CNTNAP2: variants seen among roughly 807,000 people sequenced by gnomAD.
CNTNAP2 encodes the protein contactin associated protein 2, also known as contactin-associated protein-like 2.
A neutral mutation model predicts 155.2 loss-of-function variants in CNTNAP2; 98 were observed. The ratio of observed to expected loss-of-function variants is 0.63; its 90% confidence interval spans 0.54 to 0.75. The LOEUF is 0.75. Ranked by LOEUF, CNTNAP2 falls within the 30% of genes least tolerant of loss-of-function variation. The pLI, the probability that CNTNAP2 is intolerant of heterozygous loss-of-function variation, is 0.00. For missense variants in CNTNAP2, 1,727 were observed against 1,688.1 expected (o/e 1.02, Z -0.40); for synonymous variants, 651 against 631.2 (o/e 1.03, Z -0.47).
chr7:147,244,529 T>C (rs1394879879), intron 8 of CNTNAP2, among the ~76,000 whole-genome samples: 1 of 152,208 alleles, frequency 6.6e-6, no homozygotes, highest in East Asian at 1.9e-4. Context: ...TGGACAAATA[T>C]TTCTTCCATG....
intron 1 of CNTNAP2, among the ~76,000 whole-genome samples, chr7:146,352,231 T>C (rs1340977049): frequency 7.2e-5 from 11 of 152,232 alleles, no homozygotes; most frequent in African/African-American, 2.4e-4. Flanking sequence ...CATTTTATTA[T>C]ATTTAAAATT....
intron 8 of CNTNAP2, among the ~76,000 whole-genome samples, chr7:147,266,854 C>A (rs1055545105): frequency 3.9e-5 from 6 of 152,006 alleles, no homozygotes; most frequent in African/African-American, 7.3e-5. Flanking sequence ...GTTTTGTGTT[C>A]CCATTTTAAG....
intron 1 of CNTNAP2, among the ~76,000 whole-genome samples, chr7:146,357,925 C>A (rs1188599106): frequency 1.3e-5 from 2 of 151,884 alleles, no homozygotes; most frequent in Non-Finnish European, 2.9e-5. Context: ...CGCCCCCCGC[C>A]ACACACAGGA....
intron 8 of CNTNAP2, among the ~76,000 whole-genome samples, chr7:147,277,366 C>A (rs1804920291): frequency 6.6e-6 from 1 of 151,584 alleles, no homozygotes; most frequent in East Asian, 1.9e-4. Flanking sequence ...GGAGTAGAAG[C>A]CAAATGAGAA....
At chr7:146,342,516 C>A (rs1794747066) in intron 1 of CNTNAP2, among the ~76,000 whole-genome samples, 1 of 152,020 alleles carries the variant, frequency 6.6e-6, no homozygotes, top group South Asian at 2.1e-4. Flanking sequence ...ATATATTTGC[C>A]TTATAAATTT....
At chr7:147,704,084 G>A (rs193079030) in intron 13 of CNTNAP2, among the ~76,000 whole-genome samples, 10 of 152,030 alleles carry the variant, frequency 6.6e-5, no homozygotes, top group Middle Eastern at 3.4e-3. Flanking sequence ...CAGTAATTGC[G>A]GTTTTTGCAA....
Position 148,118,277 on chromosome 7 carries a change from T to C in CNTNAP2, c.2543T>C (p.Leu848Pro), listed in dbSNP as rs902996317. 3.1e-6 allele frequency: 5 copies of C among 1,614,140 alleles called. No individual in the cohort carries two copies. Among genetic ancestry groups the C allele is most frequent in the Admixed American group, 1.7e-5 (1 of 60,018 alleles). ...ATGGGAAAGGAAGATTTCATCAAGCTGGAGCTGAAGTGTGAGTATAAGTTG... is the reference window on the plus strand; with the variant it reads ...ATGGGAAAGGAAGATTTCATCAAGCCGGAGCTGAAGTGTGAGTATAAGTTG... Reference protein sequence around the residue: ...ENMGKEDFIKLELKSATEVSF... With the variant: ...ENMGKEDFIKPELKSATEVSF... The change falls in exon 16 of 24, where the codon CTG becomes CCG. Residue 848 changes from leucine to proline, a missense_variant. Coordinates refer to ENST00000361727, the MANE Select transcript of CNTNAP2 (RefSeq NM_014141.6).
At chr7:146,933,861 T>G (rs555846495) in intron 3 of CNTNAP2, among the ~76,000 whole-genome samples, 7 of 151,704 alleles carry the variant, frequency 4.6e-5, no homozygotes, top group African/African-American at 1.7e-4. Context: ...CACTGGCCAT[T>G]AGAGAAATGC....
intron 3 of CNTNAP2, among the ~76,000 whole-genome samples, chr7:146,943,114 T>C (rs900731236): frequency 4.6e-5 from 7 of 152,206 alleles, no homozygotes; most frequent in African/African-American, 1.7e-4. Flanking sequence ...TAAAAAACAT[T>C]ATAGCCTACT....
At chr7:146,331,196 C>T (rs977216528) in intron 1 of CNTNAP2, among the ~76,000 whole-genome samples, 3 of 149,928 alleles carry the variant, frequency 2.0e-5, no homozygotes, top group South Asian at 2.1e-4. Flanking sequence ...CCCAGCTACT[C>T]GGGAGGCTGA....
At chr7:147,808,156 C>T (rs1798123472) in intron 13 of CNTNAP2, among the ~76,000 whole-genome samples, 2 of 152,058 alleles carry the variant, frequency 1.3e-5, no homozygotes, top group Non-Finnish European at 1.5e-5. Context: ...ATTGTCCTGG[C>T]CTCTCCATAT....
At chr7:146,528,300 G>C (rs1395056581) in intron 1 of CNTNAP2, among the ~76,000 whole-genome samples, 1 of 152,124 alleles carries the variant, frequency 6.6e-6, no homozygotes, top group African/African-American at 2.4e-5. Flanking sequence ...GAAGCCTGTT[G>C]GGTTCAATTC....
intron 3 of CNTNAP2, among the ~76,000 whole-genome samples, chr7:147,037,764 G>A (rs78542008): frequency 0.057 from 8,605 of 152,090 alleles, 331 homozygotes; most frequent in Middle Eastern, 0.13. Context: ...GACTATACTA[G>A]AACCGTTTAA....
intron 9 of CNTNAP2, among the ~76,000 whole-genome samples, chr7:147,368,553 C>T (rs557735791): frequency 6.6e-6 from 1 of 152,270 alleles, no homozygotes; most frequent in East Asian, 1.9e-4. Flanking sequence ...TGCTTGGTTC[C>T]TGTCCTTTTC....
chr7:146,213,596 G>A (rs924108850), intron 1 of CNTNAP2, among the ~76,000 whole-genome samples: 1 of 152,118 alleles, frequency 6.6e-6, no homozygotes, highest in East Asian at 1.9e-4. Flanking sequence ...TGACTAGAAT[G>A]ACTACTCTGG....
intron 1 of CNTNAP2, among the ~76,000 whole-genome samples, chr7:146,446,159 A>G (rs757187420): frequency 1.3e-5 from 2 of 152,220 alleles, no homozygotes; most frequent in African/African-American, 2.4e-5. Context: ...TCAAGAGGCT[A>G]CATAAATGTA....
At position 147,840,560 on chromosome 7, in the gene CNTNAP2, G is replaced by A. The variant is rs189902666; in HGVS notation, c.2099-63005G>A. Among the ~76,000 whole-genome samples the A allele has an allele frequency of 5.3e-5, 8 of 152,258 alleles. No homozygotes were observed. In the East Asian group the frequency reaches 7.8e-4, roughly 15 times the overall value. ...GGTTTCATGTCTTATGCTGGGGAGT[G>A]TGGAATTTCATCCTGAAAGCACTTA... On this transcript the variant is annotated intron_variant, in intron 13 of 23. Transcript: ENST00000361727.
At chr7:146,763,139 C>T (rs1802133451) in intron 1 of CNTNAP2, among the ~76,000 whole-genome samples, 1 of 152,170 alleles carries the variant, frequency 6.6e-6, no homozygotes, top group South Asian at 2.1e-4. Flanking sequence ...GTCTCTCTGG[C>T]CACTTTCCGT....
intron 12 of CNTNAP2, among the ~76,000 whole-genome samples, chr7:147,595,697 T>TTA (rs1800814687): frequency 1.3e-5 from 2 of 152,202 alleles, no homozygotes; most frequent in African/African-American, 4.8e-5. Flanking sequence ...GCACAGCACT[T>TTA]TACCTGAACG....
Sources: allele counts gnomAD v4.1 joint callset (sites outside exome capture counted in the v4.1 genomes callset), GRCh38; gene constraint gnomAD v4.1.1; transcripts MANE v1.5; gene names NCBI Gene and HGNC (gene_info 2026-07-23, HGNC 2026-07-21).